Variants in EYS observed in about 807,000 individuals in gnomAD.
EYS encodes protein eyes shut homolog.
In EYS, 250 loss-of-function variants were observed where a neutral mutation model predicts 282.1. The ratio of observed to expected loss-of-function variants is 0.89; its 90% CI spans 0.80 to 0.98. EYS has a LOEUF of 0.98. Among genes scored for constraint, EYS ranks in the 50% least tolerant of loss-of-function variants. EYS has a pLI of 0.00. For missense variants in EYS, 4,016 were observed against 3,709.0 expected (o/e 1.08, Z -2.15); for synonymous variants, 1,355 against 1,282.9 (o/e 1.06, Z -1.20).
At chr6:65,072,670 T>C (rs1220063348) in intron 12 of EYS, among the ~76,000 whole-genome samples, 1 of 151,522 alleles carries the variant, frequency 6.6e-6, no homozygotes, top group African/African-American at 2.4e-5. Context: ...GCTATGAAGA[T>C]ACAAAATACC....
At chr6:64,468,260 C>A (rs946039199) in intron 26 of EYS, among the ~76,000 whole-genome samples, 1 of 152,158 alleles carries the variant, frequency 6.6e-6, no homozygotes, top group Non-Finnish European at 1.5e-5. Flanking sequence ...GAACTGACAC[C>A]GCTGCCACTG....
intron 13 of EYS, among the ~76,000 whole-genome samples, chr6:65,034,870 G>C (rs937267831): frequency 6.6e-6 from 1 of 151,974 alleles, no homozygotes; most frequent in Admixed American, 6.6e-5. Flanking sequence ...TATGAGGCCA[G>C]CATTATTCCT....
chr6:65,508,445 G>A (rs755067075), intron 2 of EYS, among the ~76,000 whole-genome samples: 15 of 151,854 alleles, frequency 9.9e-5, no homozygotes, highest in East Asian at 1.9e-4. Context: ...AGGCCTAGAC[G>A]GGCAGATCAC....
At chr6:64,822,864 T>C (rs1583194591) in intron 19 of EYS, 42 bp from the exon 20 acceptor site, 2 of 1,499,558 alleles carry the variant, frequency 1.3e-6, no homozygotes, top group Non-Finnish European at 1.8e-6. Context: ...ACCATTTAAA[T>C]ACAAAACTCT....
intron 19 of EYS, among the ~76,000 whole-genome samples, chr6:64,835,550 G>GAATC (rs1232227217): frequency 3.3e-5 from 5 of 151,734 alleles, no homozygotes; most frequent in Non-Finnish European, 7.4e-5. Flanking sequence ...AACACTCACT[G>GAATC]AATCTTATGT....
Position 65,129,706 on chromosome 6 carries a change from T to C in EYS, c.2024-71979A>G, listed in dbSNP as rs185564899. On this transcript the variant is annotated intron_variant, in intron 12 of 42. Coordinates refer to ENST00000503581, the MANE Select transcript of EYS (RefSeq NM_001142800.2). ...GCAGAGGAAATAAAACACTTATACA[T>C]AGTTGGTGGTAATGTAAATAAGTCA... is the stretch of plus-strand genomic sequence containing the variant. 4.4e-4 allele frequency among the ~76,000 whole-genome samples: 67 copies of C among 151,982 alleles called. 1 individual carries two copies. The highest frequency in any genetic ancestry group is 1.4e-3 in the African/African-American group (58 of 41,518).
chr6:64,082,059 G>C lies in EYS; in HGVS notation c.6425-57C>G. 3 of 1,180,836 alleles carry C rather than the reference G, an allele frequency of 2.5e-6. No homozygotes were observed. In the South Asian group the frequency reaches 4.7e-5, roughly 18 times the overall value. 73.1% of individuals were successfully genotyped at this position (1,180,836 alleles called of 1,614,324 possible). A position where few individuals can be genotyped will look rare whatever the true frequency, so the allele number is the denominator to read the frequency against. On this transcript the variant is annotated intron_variant, in intron 31 of 42. Coordinates refer to ENST00000503581, the MANE Select transcript of EYS (RefSeq NM_001142800.2). Reference sequence around the variant, plus strand: ...ATAGCATTATATTGCTACTCAAGTAGATAAAAACTTAGCATTTATAGTTAG... The same window carrying C: ...ATAGCATTATATTGCTACTCAAGTACATAAAAACTTAGCATTTATAGTTAG...
intron 31 of EYS, among the ~76,000 whole-genome samples, chr6:64,120,036 T>A (rs1374760377): frequency 6.6e-6 from 1 of 152,138 alleles, no homozygotes. Flanking sequence ...TGTGTTTTTT[T>A]AAGTCATTTT....
intron 19 of EYS, among the ~76,000 whole-genome samples, chr6:64,828,803 T>G (rs1453046239): frequency 2.0e-5 from 3 of 151,994 alleles, no homozygotes; most frequent in African/African-American, 4.8e-5. Flanking sequence ...AAGTTCATAC[T>G]GTTTCTGTCT....
intron 10 of EYS, among the ~76,000 whole-genome samples, chr6:65,340,953 A>G (rs573849638): frequency 2.6e-4 from 39 of 151,226 alleles, no homozygotes; most frequent in African/African-American, 8.2e-4. Flanking sequence ...ACATAGGTAC[A>G]GTATCAAGTC....
At chr6:65,054,997 G>A (rs372222390) in intron 13 of EYS, among the ~76,000 whole-genome samples, 26 of 151,800 alleles carry the variant, frequency 1.7e-4, no homozygotes, top group African/African-American at 6.0e-4. Context: ...TTTGTTTATT[G>A]TATAAATGGG....
At chr6:65,510,165 TC>T (rs1265386857) in intron 2 of EYS, among the ~76,000 whole-genome samples, 12 of 76,654 alleles carry the variant, frequency 1.6e-4, no homozygotes, top group Admixed American at 8.7e-4. Context: ...ATGCTATCCC[TC>T]CCCCCTCCCC....
chr6:64,833,013 A>G (rs1193040332), intron 19 of EYS, among the ~76,000 whole-genome samples: 2 of 151,918 alleles, frequency 1.3e-5, no homozygotes, highest in Non-Finnish European at 2.9e-5. Context: ...AGACCCTGCC[A>G]CATTCCCCAT....
intron 12 of EYS, among the ~76,000 whole-genome samples, chr6:65,096,158 G>A (rs1287641268): frequency 6.7e-6 from 1 of 150,316 alleles, no homozygotes; most frequent in African/African-American, 2.4e-5. Flanking sequence ...TTTTTTAAAT[G>A]GTAAGTATAA....
intron 8 of EYS, among the ~76,000 whole-genome samples, chr6:65,362,649 A>G (rs9453275): frequency 0.67 from 102,227 of 151,572 alleles, 34,562 homozygotes; most frequent in South Asian, 0.71. Flanking sequence ...TATATGTAAT[A>G]TTTTTACTAC....
intron 15 of EYS, among the ~76,000 whole-genome samples, chr6:64,917,235 C>T (rs1252499991): frequency 1.4e-5 from 2 of 138,670 alleles, no homozygotes; most frequent in African/African-American, 5.6e-5. Context: ...GGTGACAGAG[C>T]GAGACTTAGT....
At chr6:65,155,584 T>C (rs895355151) in intron 12 of EYS, among the ~76,000 whole-genome samples, 3 of 151,542 alleles carry the variant, frequency 2.0e-5, no homozygotes, top group African/African-American at 7.2e-5. Context: ...AGTCACTGTC[T>C]TGTGGGTTAT....
At chr6:64,716,504 C>G (rs1048802253) in intron 22 of EYS, among the ~76,000 whole-genome samples, 5 of 152,164 alleles carry the variant, frequency 3.3e-5, no homozygotes, top group African/African-American at 1.2e-4. Flanking sequence ...AACAATTGTG[C>G]CTTAATATCC....
At chr6:64,446,993 G>C (rs1016067420) in intron 26 of EYS, among the ~76,000 whole-genome samples, 1 of 149,378 alleles carries the variant, frequency 6.7e-6, no homozygotes. Flanking sequence ...GTGTGGGGGG[G>C]GGGTGCTCAT....
Sources: gnomAD v4.1 joint callset for allele counts (sites outside exome capture counted in the v4.1 genomes callset) on GRCh38, gnomAD v4.1.1 for gene constraint, MANE v1.5 for transcripts, NCBI Gene and HGNC (gene_info 2026-07-23, HGNC 2026-07-21) for gene names.